Variants in NFASC observed in about 807,000 individuals in gnomAD.
NFASC encodes neurofascin, also known as neurofascin homolog.
In NFASC, 43 loss-of-function variants were observed where a neutral mutation model predicts 147.5. That is an observed-to-expected ratio of 0.29 (90% confidence interval 0.23 to 0.38). NFASC has a LOEUF of 0.38. Ranked by LOEUF, NFASC falls within the 10% of genes least tolerant of loss-of-function variation. NFASC has a pLI of 1.00. For synonymous variants in NFASC, 622 were observed against 665.5 expected, an observed-to-expected ratio of 0.93 and a Z score of 1.01; for missense variants, 1,320 against 1,689.0, an observed-to-expected ratio of 0.78 and a Z score of 3.83.
intron 25 of NFASC, chr1:205,000,872 C>A: frequency 2.2e-6 from 1 of 451,118 alleles, no homozygotes; most frequent in Non-Finnish European, 4.0e-6. Flanking sequence ...ATTCCTAACG[C>A]TACCTATGTG....
chr1:204,847,142 C>T (rs552436701), intron 1 of NFASC, among the ~76,000 whole-genome samples: 2 of 152,032 alleles, frequency 1.3e-5, no homozygotes, highest in Non-Finnish European at 2.9e-5. Context: ...CATGGGTGGT[C>T]ATGGGGTCTA....
At chr1:204,839,450 G>A (rs992171607) in intron 1 of NFASC, among the ~76,000 whole-genome samples, 9 of 151,918 alleles carry the variant, frequency 5.9e-5, no homozygotes, top group Admixed American at 4.6e-4. Context: ...AGGCGGTAGC[G>A]GGGATCCAGA....
At chr1:205,006,762 A>G (rs547804850) in intron 27 of NFASC, among the ~76,000 whole-genome samples, 3 of 152,254 alleles carry the variant, frequency 2.0e-5, no homozygotes, top group South Asian at 4.2e-4. Flanking sequence ...GCTCTTAGAG[A>G]TGGGCACAGT....
At chr1:205,013,135 C>T (rs913898988) in intron 29 of NFASC, among the ~76,000 whole-genome samples, 8 of 152,240 alleles carry the variant, frequency 5.3e-5, no homozygotes, top group Non-Finnish European at 1.2e-4. Flanking sequence ...TGACGAACAG[C>T]ATTTCATTCA....
chr1:204,945,374 G>T (rs2093652614), intron 3 of NFASC, among the ~76,000 whole-genome samples: 1 of 152,192 alleles, frequency 6.6e-6, no homozygotes, highest in African/African-American at 2.4e-5. Flanking sequence ...TGTCTGGGGA[G>T]GGGGGCAGGA....
intron 21 of NFASC, among the ~76,000 whole-genome samples, chr1:204,983,711 C>A (rs969205515): frequency 2.6e-5 from 4 of 152,134 alleles, no homozygotes; most frequent in Non-Finnish European, 5.9e-5. Context: ...GAGGGCAGCC[C>A]CCCAGGAGAC....
In NFASC at chr1:205,019,489, A is replaced by ATTCATTCG. The variant is rs1227418495; in HGVS notation, c.*2957_*2958insGTTCATTC. On this transcript the variant is annotated 3_prime_UTR_variant, in exon 30 of 30. Transcript: ENST00000339876. ...CTCTCATTTGTCCATTCATTCATTCATTCATTCATTCAGCAAATAATCTGA... is the reference window on the plus strand; with the variant it reads ...CTCTCATTTGTCCATTCATTCATTCATTCATTCGTTCATTCATTCAGCAAATAATCTGA... 2 of 152,052 alleles carry ATTCATTCG rather than the reference A, an allele frequency of 1.3e-5. No individual in the cohort carries two copies. Among genetic ancestry groups the ATTCATTCG allele is most frequent in the Non-Finnish European group, 2.9e-5 (2 of 68,026 alleles). The allele number at this position is 152,052 out of a possible 1,614,324, so 9.4% of individuals were successfully genotyped here. A position where few individuals can be genotyped will look rare whatever the true frequency, so the allele number is the denominator to read the frequency against.
At chr1:204,860,612 C>A (rs554939551) in intron 1 of NFASC, among the ~76,000 whole-genome samples, 1 of 152,136 alleles carries the variant, frequency 6.6e-6, no homozygotes, top group Non-Finnish European at 1.5e-5. Context: ...TAAAATTTAC[C>A]GTTTTAAAGT....
At chr1:204,884,442 C>T (rs1175119434) in intron 1 of NFASC, among the ~76,000 whole-genome samples, 1 of 152,092 alleles carries the variant, frequency 6.6e-6, no homozygotes, top group African/African-American at 2.4e-5. Context: ...TTTAGGAAGG[C>T]AGGCGAGGGA....
intron 21 of NFASC, among the ~76,000 whole-genome samples, chr1:204,983,339 T>C (rs1371353718): frequency 2.0e-5 from 3 of 152,170 alleles, no homozygotes; most frequent in Non-Finnish European, 1.5e-5. Flanking sequence ...TAATGTTTCC[T>C]GCCAGGAAAC....
In NFASC at chr1:204,957,773, A is replaced by C. The variant is rs2094494738; in HGVS notation, c.653A>C (p.His218Pro). ...GACTACAGTTGTAACGCCCGCTTCC[A>C]CTTCACCCACACCATCCAGCAGAAG... is the stretch of plus-strand genomic sequence containing the variant. ...QTDYSCNARF[H>P]FTHTIQQKNP... Residue 218 changes from histidine to proline, a missense_variant, in exon 8 of 30, where the codon CAC (histidine) becomes CCC (proline). Coordinates refer to ENST00000339876, the MANE Select transcript of NFASC (RefSeq NM_001005388.3). 6.2e-7 allele frequency: 1 copy of C among 1,614,076 alleles called. No homozygotes were observed. Among genetic ancestry groups the C allele is most frequent in the East Asian group, 2.2e-5 (1 of 44,876 alleles).
intron 24 of NFASC, among the ~76,000 whole-genome samples, chr1:204,996,872 C>T (rs147079206): frequency 2.3e-4 from 35 of 152,292 alleles, no homozygotes; most frequent in South Asian, 6.2e-4. Flanking sequence ...CGATTCAGCC[C>T]GTGCCCCCTT....
intron 1 of NFASC, among the ~76,000 whole-genome samples, chr1:204,910,280 C>G (rs2087035633): frequency 6.6e-6 from 1 of 152,118 alleles, no homozygotes; most frequent in Non-Finnish European, 1.5e-5. Flanking sequence ...TTTTAGCATA[C>G]ATGTCCTATG....
Position 204,975,925 on chromosome 1 carries a change from A to C in NFASC, c.1706+507A>C, listed in dbSNP as rs1398930982. 6.6e-6 allele frequency among the ~76,000 whole-genome samples: 1 copy of C among 152,116 alleles called. No homozygotes were observed. Among genetic ancestry groups the C allele is most frequent in the East Asian group, 1.9e-4 (1 of 5,188 alleles). The stretch of plus-strand genomic sequence containing the variant: ...CCTCAGACCCTGATTTCATTGGTGT[A>C]GGGTAGGACTTAGGACACTGGCAGG... On this transcript the variant is annotated intron_variant, in intron 15 of 29. Coordinates refer to ENST00000339876, the MANE Select transcript of NFASC (RefSeq NM_001005388.3). The surrounding 1 kb of genome is among the most constrained non-coding windows in gnomAD (Gnocchi z 4.0).
chr1:204,984,016 A>G (rs759423484), intron 21 of NFASC: 1 of 1,598,906 alleles, frequency 6.3e-7, no homozygotes, highest in Non-Finnish European at 8.6e-7. Flanking sequence ...CTCTGTCCCA[A>G]CACATTGCAG....
chr1:204,977,293 T>C (rs2095426895), intron 16 of NFASC: 1 of 213,534 alleles, frequency 4.7e-6, no homozygotes, highest in Non-Finnish European at 8.1e-6. Context: ...CAGGCTGGAC[T>C]GTAAATACTA....
At chr1:205,009,059 C>G (rs570960667) in intron 27 of NFASC, 2 of 216,794 alleles carry the variant, frequency 9.2e-6, no homozygotes, top group Non-Finnish European at 1.9e-5. Context: ...GGGATGCTGC[C>G]GTGTGCCTGT....
chr1:204,996,626 T>C (rs17415523), intron 24 of NFASC, among the ~76,000 whole-genome samples: 27,784 of 152,176 alleles, frequency 0.18, 2,658 homozygotes, highest in Non-Finnish European at 0.21. Flanking sequence ...GTTCCCTCTC[T>C]GTCATCGGGT....
At chr1:204,997,646 C>T in intron 25 of NFASC, 2 of 590,168 alleles carry the variant, frequency 3.4e-6, no homozygotes, top group South Asian at 3.9e-5. Flanking sequence ...TCCTCCACCA[C>T]TCAGTACCCC....
Sources: gnomAD v4.1 joint callset for allele counts (sites outside exome capture counted in the v4.1 genomes callset) on GRCh38, gnomAD v4.1.1 for gene constraint, Gnocchi (gnomAD v3.1) non-coding constraint, MANE v1.5 for transcripts, NCBI Gene and HGNC (gene_info 2026-07-23, HGNC 2026-07-21) for gene names.